The following RNGTT variants were observed in gnomAD, a reference collection of about 807,000 sequenced individuals.
RNGTT encodes mRNA-capping enzyme.
Under a neutral mutation model 79.3 loss-of-function variants are expected in RNGTT, and 33 were observed. The ratio of observed to expected loss-of-function variants is 0.42; its 90% CI spans 0.32 to 0.56. The LOEUF is 0.56. Among genes scored for constraint, RNGTT ranks in the 20% least tolerant of loss-of-function variants. RNGTT has a pLI of 0.17. For missense variants in RNGTT, 497 were observed against 739.1 expected, an observed-to-expected ratio of 0.67 and a Z score of 3.80; for synonymous variants, 222 against 235.9, an observed-to-expected ratio of 0.94 and a Z score of 0.54.
At chr6:88,674,668 T>C (rs1293102718) in intron 14 of RNGTT, among the ~76,000 whole-genome samples, 1 of 151,928 alleles carries the variant, frequency 6.6e-6, no homozygotes, top group Admixed American at 6.6e-5. Context: ...ATATGTCATA[T>C]AAGCAGGTGG....
rs545624037 is a variant in RNGTT, at chr6:88,704,191, T to C, written c.1440-25772A>G. On this transcript the variant is annotated intron_variant, in intron 13 of 15. Coordinates refer to ENST00000369485, the MANE Select transcript of RNGTT (RefSeq NM_003800.5). The stretch of plus-strand genomic sequence containing the variant: ...AGGAGAATGGCATGAACCCAGGAGG[T>C]GGAGCTTGCAGTGAGCCGAGATAGC... Among the ~76,000 whole-genome samples the C allele has an allele frequency of 1.0e-4, 13 of 128,366 alleles. 1 individual carries two copies. In the South Asian group the frequency reaches 2.7e-3, roughly 26 times the overall value. The allele number at this position is 128,366 out of a possible 152,430, so 84.2% of individuals were successfully genotyped here.
At chr6:88,797,963 A>C (rs949353828) in intron 12 of RNGTT, among the ~76,000 whole-genome samples, 1 of 144,264 alleles carries the variant, frequency 6.9e-6, no homozygotes, top group East Asian at 2.0e-4. Flanking sequence ...AAAAAAAAAG[A>C]GGAAAATAAT....
chr6:88,711,856 A>G (rs1266087504), intron 13 of RNGTT, among the ~76,000 whole-genome samples: 1 of 152,218 alleles, frequency 6.6e-6, no homozygotes, highest in Non-Finnish European at 1.5e-5. Context: ...GTTGGATTGG[A>G]TATCTAAATG....
intron 13 of RNGTT, among the ~76,000 whole-genome samples, chr6:88,707,642 G>A (rs1185289837): frequency 1.3e-5 from 2 of 151,224 alleles, no homozygotes; most frequent in Non-Finnish European, 1.5e-5. Flanking sequence ...AAACTCATGG[G>A]TGAATGCCAC....
At chr6:88,835,381 CA>C (rs1781029531) in intron 11 of RNGTT, among the ~76,000 whole-genome samples, 1 of 151,846 alleles carries the variant, frequency 6.6e-6, no homozygotes, top group African/African-American at 2.4e-5. Flanking sequence ...GAGTTCCAGA[CA>C]CAGACAAGCA....
At chr6:88,800,678 A>G (rs913351753) in intron 12 of RNGTT, among the ~76,000 whole-genome samples, 3 of 152,180 alleles carry the variant, frequency 2.0e-5, no homozygotes, top group African/African-American at 4.8e-5. Flanking sequence ...CAGAGTTTCT[A>G]CTCAATAGGT....
chr6:88,665,035 G>A (rs536583509), intron 14 of RNGTT, among the ~76,000 whole-genome samples: 1 of 152,156 alleles, frequency 6.6e-6, no homozygotes, highest in Non-Finnish European at 1.5e-5. Flanking sequence ...ACTGCCCCTT[G>A]CCTTTGTTAG....
intron 14 of RNGTT, among the ~76,000 whole-genome samples, chr6:88,634,622 T>C (rs1246873022): frequency 1.3e-5 from 2 of 152,100 alleles, no homozygotes; most frequent in African/African-American, 4.8e-5. Context: ...TTATTAATCA[T>C]CCAATAGATG....
At chr6:88,706,109 G>A (rs1023217167) in intron 13 of RNGTT, among the ~76,000 whole-genome samples, 1 of 152,006 alleles carries the variant, frequency 6.6e-6, no homozygotes, top group African/African-American at 2.4e-5. Flanking sequence ...CACAAAAATT[G>A]TTCTCATGAC....
intron 14 of RNGTT, among the ~76,000 whole-genome samples, chr6:88,664,366 T>C (rs971971325): frequency 2.0e-5 from 3 of 152,166 alleles, no homozygotes; most frequent in Admixed American, 6.5e-5. Context: ...TGGCCTTAGT[T>C]AGTCAAAGCG....
At chr6:88,664,473 A>G (rs1582298494) in intron 14 of RNGTT, among the ~76,000 whole-genome samples, 1 of 152,302 alleles carries the variant, frequency 6.6e-6, no homozygotes, top group East Asian at 1.9e-4. Context: ...GTTTGTAAAT[A>G]CAGATGCAGC....
rs1243231016 is a variant in RNGTT, at chr6:88,611,374, C to A, written c.*1345G>T. The A allele has an allele frequency of 6.6e-6, 1 of 152,604 alleles. No individual in the cohort carries two copies. The highest frequency in any genetic ancestry group is 1.5e-5 in the Non-Finnish European group (1 of 68,040). The allele number at this position is 152,604 out of a possible 1,614,324, so 9.5% of individuals were successfully genotyped here. A position where few individuals can be genotyped will look rare whatever the true frequency, so the allele number is the denominator to read the frequency against. On this transcript the variant is annotated 3_prime_UTR_variant, in exon 16 of 16. Coordinates refer to ENST00000369485, the MANE Select transcript of RNGTT (RefSeq NM_003800.5). ...ATATACTTACACAGATATGCATTTA[C>A]ATATACAATTCAGACCATGAAAATT...
At chr6:88,845,764 G>A (rs1781463728) in intron 10 of RNGTT, among the ~76,000 whole-genome samples, 1 of 152,148 alleles carries the variant, frequency 6.6e-6, no homozygotes, top group East Asian at 1.9e-4. Flanking sequence ...AAGTGAGTGA[G>A]AGGTATGAGG....
At chr6:88,788,093 T>A (rs1022933651) in intron 12 of RNGTT, among the ~76,000 whole-genome samples, 1 of 152,206 alleles carries the variant, frequency 6.6e-6, no homozygotes, top group African/African-American at 2.4e-5. Context: ...ACTGTCTGTA[T>A]TGTGTTTCTG....
chr6:88,876,824 G>A (rs1782533855), intron 8 of RNGTT, among the ~76,000 whole-genome samples: 1 of 152,192 alleles, frequency 6.6e-6, no homozygotes. Context: ...TTCTGAGTTA[G>A]GGTTGCACCT....
intron 11 of RNGTT, among the ~76,000 whole-genome samples, chr6:88,807,974 A>G (rs1018285244): frequency 3.3e-5 from 5 of 152,166 alleles, no homozygotes; most frequent in African/African-American, 1.2e-4. Flanking sequence ...TTTCAATAAT[A>G]AAGGCACAGT....
intron 14 of RNGTT, among the ~76,000 whole-genome samples, chr6:88,673,727 T>C (rs1056895433): frequency 6.6e-6 from 1 of 152,208 alleles, no homozygotes; most frequent in Admixed American, 6.5e-5. Flanking sequence ...AAATGTTATG[T>C]TAATAAATCA....
intron 13 of RNGTT, among the ~76,000 whole-genome samples, chr6:88,718,057 T>G (rs1394188581): frequency 1.3e-5 from 2 of 151,876 alleles, no homozygotes; most frequent in Admixed American, 1.3e-4. Context: ...AAGAATAGAG[T>G]GTATTACAGA....
intron 6 of RNGTT, 93 bp from the exon 7 acceptor site, chr6:88,892,008 T>C: frequency 1.2e-6 from 1 of 864,632 alleles, no homozygotes; most frequent in Non-Finnish European, 1.7e-6. Flanking sequence ...GATAAATTAG[T>C]TTGTTCTCAC....
Sources: gnomAD v4.1 joint callset for allele counts (sites outside exome capture counted in the v4.1 genomes callset) on GRCh38, gnomAD v4.1.1 for gene constraint, MANE v1.5 for transcripts, NCBI Gene and HGNC (gene_info 2026-07-23, HGNC 2026-07-21) for gene names.